Variants in CALD1 observed in about 807,000 individuals in gnomAD.
CALD1 encodes caldesmon.
In CALD1, 33 loss-of-function variants were observed where a neutral mutation model predicts 99.9. The ratio of observed to expected loss-of-function variants is 0.33; its 90% CI spans 0.25 to 0.44. The LOEUF is 0.44. CALD1 is among the 20% of genes least tolerant of loss of function. The pLI is 1.00. For missense variants in CALD1, 861 were observed against 962.1 expected (o/e 0.89, Z 1.39); for synonymous variants, 310 against 325.0 (o/e 0.95, Z 0.50).
chr7:134,856,838 CT>C (rs1454322257), intron 2 of CALD1, among the ~76,000 whole-genome samples: 1 of 152,206 alleles, frequency 6.6e-6, no homozygotes, highest in Non-Finnish European at 1.5e-5. Flanking sequence ...GAGAAACAGC[CT>C]TTTGATAACG....
intron 6 of CALD1, among the ~76,000 whole-genome samples, chr7:134,936,873 A>G (rs1366455453): frequency 1.3e-5 from 2 of 152,228 alleles, no homozygotes; most frequent in East Asian, 3.8e-4. Context: ...GAAAGTGTAA[A>G]TGTTAATAAC....
chr7:134,922,968 TC>T (rs1191452267), intron 3 of CALD1, among the ~76,000 whole-genome samples: 1 of 152,212 alleles, frequency 6.6e-6, no homozygotes, highest in African/African-American at 2.4e-5. Flanking sequence ...AAGCAATGGT[TC>T]CAGGAATGGA....
Position 134,933,627 on chromosome 7 carries a change from A to C in CALD1, c.858A>C (p.Lys286Asn). The change falls in exon 5 of 15, where the codon AAA (lysine) becomes AAC (asparagine). Residue 286 changes from lysine (K) to asparagine (N), a missense_variant. This residue lies in a region of CALD1 where 234 missense variants were observed against 233.1 expected (regional missense o/e 1.00). Transcript: ENST00000361675. The stretch of plus-strand genomic sequence containing the variant: ...AAAGAATTAAAGCCGAGCAAGACAA[A>C]AAGATAGCAGATGAACGAGCAAGAA... Reference protein sequence around the residue: ...ERERIKAEQDKKIADERARIE... With the variant: ...ERERIKAEQDNKIADERARIE... 4.3e-6 allele frequency: 7 copies of C among 1,611,692 alleles called. No individual in the cohort carries two copies. The highest frequency in any genetic ancestry group is 5.9e-6 in the Non-Finnish European group (7 of 1,178,896).
intron 3 of CALD1, among the ~76,000 whole-genome samples, chr7:134,920,133 T>C (rs1318314584): frequency 6.6e-6 from 1 of 152,208 alleles, no homozygotes; most frequent in Non-Finnish European, 1.5e-5. Context: ...AAGGCAAATA[T>C]GACTCATTTC....
chr7:134,954,948 A>G (rs1378233377), intron 9 of CALD1, among the ~76,000 whole-genome samples: 2 of 152,184 alleles, frequency 1.3e-5, no homozygotes, highest in African/African-American at 4.8e-5. Flanking sequence ...TATCAACACT[A>G]CTGAAAAGCC....
chr7:134,723,534 CTTTTTTTTTTTTTT>C, the CALD1 span, among the ~76,000 whole-genome samples: 2 of 87,694 alleles, frequency 2.3e-5, no homozygotes, highest in Admixed American at 1.4e-4. Flanking sequence ...GAAAAGGTAA[CTTTTTTTTTTTTTT>C]TTTTTTTTTT....
rs552314203 is a variant in CALD1, at chr7:134,801,088, G to A, written c.-130+21339G>A. On this transcript the variant is annotated intron_variant, in intron 1 of 14. Coordinates refer to ENST00000361675, the MANE Select transcript of CALD1 (RefSeq NM_033138.4). Reference sequence around the variant, plus strand: ...ATATTTTGTATTTCTTCTTTCCCATGTGTATTCTTCACGTCTTTATTTTCT... The same window carrying A: ...ATATTTTGTATTTCTTCTTTCCCATATGTATTCTTCACGTCTTTATTTTCT... Among the ~76,000 whole-genome samples, 4 of 151,838 alleles carry A rather than the reference G, an allele frequency of 2.6e-5. No individual in the cohort carries two copies. The South Asian group carries it at 8.3e-4, about 32-fold the overall frequency.
intron 13 of CALD1, 178 bp downstream of exon 13, chr7:134,960,806 G>A: frequency 1.9e-6 from 1 of 540,504 alleles, no homozygotes; most frequent in South Asian, 2.4e-5. Context: ...CTGCATCTCA[G>A]TTACTCAGAG....
chr7:134,861,133 C>T (rs569699268), intron 2 of CALD1, among the ~76,000 whole-genome samples: 1 of 152,280 alleles, frequency 6.6e-6, no homozygotes, highest in African/African-American at 2.4e-5. Context: ...CTGGCTCAAG[C>T]AGGTATACAG....
At chr7:134,887,752 GTCTC>G (rs1801937837) in intron 3 of CALD1, among the ~76,000 whole-genome samples, 1 of 139,432 alleles carries the variant, frequency 7.2e-6, no homozygotes, top group Non-Finnish European at 1.6e-5. Flanking sequence ...GTGCATGTGT[GTCTC>G]TATGTGCCTG....
chr7:134,746,674 G>GAA (rs1796637987), intron 1 of CALD1, among the ~76,000 whole-genome samples: 3 of 152,184 alleles, frequency 2.0e-5, no homozygotes, highest in Admixed American at 2.0e-4. Context: ...TCTTTTTAGA[G>GAA]AACACCTAAG....
chr7:134,950,242 A>C (rs1584653931), intron 8 of CALD1, 132 bp from the exon 9 acceptor site: 1 of 755,416 alleles, frequency 1.3e-6, no homozygotes, highest in Non-Finnish European at 2.1e-6. Context: ...TCTGGTGACC[A>C]CCTAGAAGGG....
intron 1 of CALD1, among the ~76,000 whole-genome samples, chr7:134,811,982 A>C (rs887919816): frequency 1.3e-5 from 2 of 152,218 alleles, no homozygotes; most frequent in Non-Finnish European, 2.9e-5. Context: ...TCCTTCTCCA[A>C]AACAGAGAGA....
chr7:134,711,656 CTCTCTATATATA>C, the CALD1 span, among the ~76,000 whole-genome samples: 2 of 68,104 alleles, frequency 2.9e-5, no homozygotes, highest in African/African-American at 1.3e-4. Flanking sequence ...CTCTCTCTCT[CTCTCTATATATA>C]TATATATATA....
intron 9 of CALD1, among the ~76,000 whole-genome samples, chr7:134,950,903 G>A (rs1176788449): frequency 1.3e-5 from 2 of 152,206 alleles, no homozygotes; most frequent in Non-Finnish European, 1.5e-5. Context: ...AGGTTGCAGT[G>A]AGCTAAGATA....
At chr7:134,724,984 C>G in the CALD1 span, among the ~76,000 whole-genome samples, 1 of 152,224 alleles carries the variant, frequency 6.6e-6, no homozygotes, top group East Asian at 1.9e-4. Flanking sequence ...AAAGCTTCAG[C>G]TAATTCCCTG....
chr7:134,918,570 T>C (rs1465972643), intron 3 of CALD1, among the ~76,000 whole-genome samples: 1 of 152,232 alleles, frequency 6.6e-6, no homozygotes, highest in African/African-American at 2.4e-5. Context: ...AAATTCAGGC[T>C]GGTGCTTATT....
In CALD1 at chr7:134,960,362, G is replaced by A. The variant is rs1490890512; in HGVS notation, c.2200-171G>A. 4.6e-6 allele frequency: 3 copies of A among 647,600 alleles called. No homozygotes were observed. In the East Asian group the frequency reaches 8.2e-5, roughly 18 times the overall value. The allele number at this position is 647,600 out of a possible 1,614,324, so 40.1% of individuals were successfully genotyped here. Reference sequence around the variant, plus strand: ...ATGTCCACCCTTGGAGTTGGAGTGGGGTGAGTTACCAGGGAAAGAAAACCA... The same window carrying A: ...ATGTCCACCCTTGGAGTTGGAGTGGAGTGAGTTACCAGGGAAAGAAAACCA... On this transcript the variant is annotated intron_variant, in intron 12 of 14. Transcript: ENST00000361675.
At chr7:134,924,143 A>G (rs1804813080) in intron 3 of CALD1, among the ~76,000 whole-genome samples, 1 of 152,214 alleles carries the variant, frequency 6.6e-6, no homozygotes, top group African/African-American at 2.4e-5. Context: ...TGGTTTGTGA[A>G]ATGATATGTA....
Sources: allele counts gnomAD v4.1 joint callset (sites outside exome capture counted in the v4.1 genomes callset), GRCh38; gene constraint gnomAD v4.1.1; regional missense constraint gnomAD v4.1.1; transcripts MANE v1.5; gene names NCBI Gene and HGNC (gene_info 2026-07-23, HGNC 2026-07-21).